Variants in LRRC2 observed in about 807,000 individuals in gnomAD.
The protein encoded by LRRC2 is leucine-rich repeat-containing protein 2.
LRRC2 carries 27 observed loss-of-function variants against 40.2 expected under a neutral mutation model. That is an observed-to-expected ratio of 0.67 (90% CI 0.49 to 0.93). LRRC2 has a LOEUF of 0.93. Ranked by LOEUF, LRRC2 falls within the 40% of genes least tolerant of loss-of-function variation. The pLI, the probability that LRRC2 is intolerant of heterozygous loss-of-function variation, is 0.00. For synonymous variants in LRRC2, 147 were observed against 158.9 expected, an observed-to-expected ratio of 0.92 and a Z score of 0.56; for missense variants, 402 against 439.6, an observed-to-expected ratio of 0.91 and a Z score of 0.76.
chr3:46,540,416 T>C (rs1286016065), intron 3 of LRRC2, among the ~76,000 whole-genome samples: 1 of 151,810 alleles, frequency 6.6e-6, no homozygotes, highest in Non-Finnish European at 1.5e-5. Context: ...TCCCAGCTAC[T>C]TGGGAGGCTG....
chr3:46,543,488 T>C (rs899400291), intron 3 of LRRC2, among the ~76,000 whole-genome samples: 2 of 151,810 alleles, frequency 1.3e-5, no homozygotes, highest in African/African-American at 2.4e-5. Context: ...TGGTGGCGGG[T>C]GCCTGTGGTC....
chr3:46,550,722 C>T (rs1704626349), intron 2 of LRRC2, among the ~76,000 whole-genome samples: 2 of 152,148 alleles, frequency 1.3e-5, no homozygotes, highest in African/African-American at 2.4e-5. Flanking sequence ...TTAAAGTGTG[C>T]AAATATACCA....
chr3:46,534,423 CCTTT>C (rs754860415), intron 4 of LRRC2, among the ~76,000 whole-genome samples: 3,903 of 100,954 alleles, frequency 0.039, 84 homozygotes, highest in South Asian at 0.085. Flanking sequence ...TTCCTTCCTT[CCTTT>C]CTTTCTTTCT....
At chr3:46,549,540 C>A (rs1476500557) in intron 2 of LRRC2, among the ~76,000 whole-genome samples, 2 of 152,136 alleles carry the variant, frequency 1.3e-5, no homozygotes, top group Non-Finnish European at 2.9e-5. Flanking sequence ...AACAAATATC[C>A]AAGAAGTTTT....
In LRRC2 at chr3:46,530,012, T is replaced by C. The variant is rs1259661455; in HGVS notation, c.666A>G (p.Ser222=). ...TTGGGACACTGGAAAACTTGTTTGCTGAGATATCTACAAATGTAACTTGCT... is the reference window on the plus strand; with the variant it reads ...TTGGGACACTGGAAAACTTGTTTGCCGAGATATCTACAAATGTAACTTGCT... ...NLKQVTFVDI[S]ANKFSSVPIC... Residue 222 remains serine (S), a synonymous_variant, in exon 6 of 9, where the codon TCA becomes TCG. Coordinates refer to ENST00000395905, the MANE Select transcript of LRRC2 (RefSeq NM_024512.5). The C allele has an allele frequency of 2.5e-6, 4 of 1,613,012 alleles. No homozygotes were observed. Among genetic ancestry groups the C allele is most frequent in the Non-Finnish European group, 3.4e-6 (4 of 1,179,100 alleles).
At chr3:46,550,927 C>G (rs1166660692) in intron 2 of LRRC2, among the ~76,000 whole-genome samples, 2 of 152,230 alleles carry the variant, frequency 1.3e-5, no homozygotes, top group Non-Finnish European at 2.9e-5. Flanking sequence ...TGTAGATTTT[C>G]CAAAGCACTC....
intron 6 of LRRC2, among the ~76,000 whole-genome samples, chr3:46,529,170 C>T (rs906634832): frequency 7.2e-5 from 11 of 151,738 alleles, no homozygotes; most frequent in Admixed American, 5.2e-4. Context: ...TTTCATTTAC[C>T]ACTTTAAACC....
intron 8 of LRRC2, among the ~76,000 whole-genome samples, chr3:46,520,589 T>C (rs909178522): frequency 2.0e-5 from 3 of 152,242 alleles, no homozygotes; most frequent in Non-Finnish European, 4.4e-5. Flanking sequence ...TTTCTGACTA[T>C]CTGAATGTGA....
rs1203085936 is a variant in LRRC2 at position 46,517,537 on chromosome 3, A to G, written c.*1477T>C. 1.3e-5 allele frequency: 2 copies of G among 151,962 alleles called. No homozygotes were observed. The highest frequency in any genetic ancestry group is 2.4e-5 in the African/African-American group (1 of 41,356). The allele number at this position is 151,962 out of a possible 1,614,324, so 9.4% of individuals were successfully genotyped here. A position where few individuals can be genotyped will look rare whatever the true frequency, so the allele number is the denominator to read the frequency against. On this transcript the variant is annotated 3_prime_UTR_variant, in exon 9 of 9. Transcript: ENST00000395905. ...AGATGGGGTTTCGTCATGATGTCCAAGCTGTTCTCAAAATCCTGTTCTCAA... is the reference window on the plus strand; with the variant it reads ...AGATGGGGTTTCGTCATGATGTCCAGGCTGTTCTCAAAATCCTGTTCTCAA...
intron 7 of LRRC2, among the ~76,000 whole-genome samples, chr3:46,527,174 A>C (rs1214546388): frequency 6.6e-6 from 1 of 152,234 alleles, no homozygotes; most frequent in East Asian, 1.9e-4. Flanking sequence ...GGCCCTGGAC[A>C]TATGTCCCGC....
chr3:46,527,662 A>G, intron 6 of LRRC2, 81 bp from the exon 7 acceptor site: 1 of 1,202,078 alleles, frequency 8.3e-7, no homozygotes, highest in Non-Finnish European at 1.2e-6. Flanking sequence ...AATAAATTCT[A>G]ACAGGAAGTC....
chr3:46,522,206 C>A lies in LRRC2; in HGVS notation c.930-548G>T, dbSNP rs1034082487. On this transcript the variant is annotated intron_variant, in intron 7 of 8. Coordinates refer to ENST00000395905, the MANE Select transcript of LRRC2 (RefSeq NM_024512.5). ...CCTAAACAACATGGTGAAACCCTGTCTCTACTAAAAATACAAAAATTAGCT... is the reference window on the plus strand; with the variant it reads ...CCTAAACAACATGGTGAAACCCTGTATCTACTAAAAATACAAAAATTAGCT... 1.8e-4 allele frequency among the ~76,000 whole-genome samples: 27 copies of A among 151,862 alleles called. No individual in the cohort carries two copies. The South Asian group carries it at 1.9e-3, about 11-fold the overall frequency.
In LRRC2 at chr3:46,518,660, C is replaced by T; in HGVS notation, c.*354G>A. ...TACAGGTGTGAGCCACCACACCCGG[C>T]CCCTTTATCTTTTGATTCCTGAAAA... On this transcript the variant is annotated 3_prime_UTR_variant, in exon 9 of 9. Coordinates refer to ENST00000395905, the MANE Select transcript of LRRC2 (RefSeq NM_024512.5). 1 of 168,532 alleles carries T rather than the reference C, an allele frequency of 5.9e-6. No individual in the cohort carries two copies. The highest frequency in any genetic ancestry group is 1.9e-4 in the South Asian group (1 of 5,260). 10.4% of individuals were successfully genotyped at this position (168,532 alleles called of 1,614,324 possible). A position where few individuals can be genotyped will look rare whatever the true frequency, so the allele number is the denominator to read the frequency against.
intron 2 of LRRC2, among the ~76,000 whole-genome samples, chr3:46,547,860 T>A (rs1397858863): frequency 1.6e-5 from 2 of 128,676 alleles, no homozygotes; most frequent in Non-Finnish European, 3.5e-5. Flanking sequence ...TGTGATTTAG[T>A]TTTATAACCA....
intron 1 of LRRC2, among the ~76,000 whole-genome samples, chr3:46,553,051 A>ATGAG (rs762757636): frequency 3.3e-5 from 5 of 152,220 alleles, no homozygotes; most frequent in Non-Finnish European, 7.3e-5. Flanking sequence ...TGTGGAATGC[A>ATGAG]TGAGTGAGTG....
intron 4 of LRRC2, among the ~76,000 whole-genome samples, chr3:46,535,674 T>C (rs557951154): frequency 1.3e-5 from 2 of 152,336 alleles, no homozygotes; most frequent in East Asian, 1.9e-4. Context: ...TTCAGTTCAC[T>C]AAGTTTAATT....
chr3:46,521,552 T>C lies in LRRC2; in HGVS notation c.1036A>G (p.Lys346Glu). 6.2e-7 allele frequency: 1 copy of C among 1,612,092 alleles called. No individual in the cohort carries two copies. Among genetic ancestry groups the C allele is most frequent in the Non-Finnish European group, 8.5e-7 (1 of 1,179,232 alleles). ...DRQHFDKEVM[K>E]AYIEDLKERE... ...TCTTTAAGGTCTTCAATATAGGCTT[T>C]CATAACTTCTTTATCAAAATGTTGG... Residue 346 changes from lysine (K) to glutamate (E), a missense_variant, in exon 8 of 9, where the codon AAA (lysine) becomes GAA (glutamate). By Grantham distance (56) the Lys-to-Glu change is moderately conservative. Coordinates refer to ENST00000395905, the MANE Select transcript of LRRC2 (RefSeq NM_024512.5).
Position 46,515,480 on chromosome 3 carries a change from A to C in LRRC2, c.*3534T>G, listed in dbSNP as rs1703844651. On this transcript the variant is annotated 3_prime_UTR_variant, in exon 9 of 9. Coordinates refer to ENST00000395905, the MANE Select transcript of LRRC2 (RefSeq NM_024512.5). Reference sequence around the variant, plus strand: ...AAATAACCTTTCCAAATTATGTATCAGTCTATTTGCATCATGTCAAATTTT... The same window carrying C: ...AAATAACCTTTCCAAATTATGTATCCGTCTATTTGCATCATGTCAAATTTT... 1 of 152,190 alleles carries C rather than the reference A, an allele frequency of 6.6e-6. No homozygotes were observed. Among genetic ancestry groups the C allele is most frequent in the African/African-American group, 2.4e-5 (1 of 41,468 alleles). 9.4% of individuals were successfully genotyped at this position (152,190 alleles called of 1,614,324 possible). A position where few individuals can be genotyped will look rare whatever the true frequency, so the allele number is the denominator to read the frequency against.
intron 1 of LRRC2, among the ~76,000 whole-genome samples, chr3:46,554,285 T>A: frequency 1.6e-5 from 1 of 61,380 alleles, no homozygotes; most frequent in East Asian, 1.3e-3. Context: ...CCTCCCAAAG[T>A]GCTGGGATTA....
Sources: gnomAD v4.1 joint callset for allele counts (sites outside exome capture counted in the v4.1 genomes callset) on GRCh38, gnomAD v4.1.1 for gene constraint, MANE v1.5 for transcripts, NCBI Gene and HGNC (gene_info 2026-07-23, HGNC 2026-07-21) for gene names.